CEP112: variants seen among roughly 807,000 people sequenced by gnomAD.
CEP112 encodes centrosomal protein 112, also known as centrosomal protein of 112 kDa.
In CEP112, 127 loss-of-function variants were observed where a neutral mutation model predicts 153.0. The ratio of observed to expected loss-of-function variants is 0.83; its 90% CI spans 0.72 to 0.96. The LOEUF is 0.96. CEP112 is among the 40% of genes least tolerant of loss of function. The pLI is 0.00. For missense variants in CEP112, 1,089 were observed against 1,101.2 expected (o/e 0.99, Z 0.16); for synonymous variants, 358 against 374.4 (o/e 0.96, Z 0.51).
At chr17:65,732,577 T>C (rs569500865) in intron 23 of CEP112, among the ~76,000 whole-genome samples, 7 of 152,278 alleles carry the variant, frequency 4.6e-5, no homozygotes, top group African/African-American at 1.4e-4. Context: ...CAGAAGGCTG[T>C]TTCATCTACA....
intron 21 of CEP112, among the ~76,000 whole-genome samples, chr17:65,776,460 C>T (rs1237326133): frequency 5.3e-5 from 8 of 152,136 alleles, no homozygotes; most frequent in African/African-American, 9.7e-5. Flanking sequence ...CTCCTGACCT[C>T]GTGATCTGCC....
At chr17:66,176,117 T>C (rs939100508) in intron 3 of CEP112, among the ~76,000 whole-genome samples, 2 of 152,244 alleles carry the variant, frequency 1.3e-5, no homozygotes, top group African/African-American at 4.8e-5. Flanking sequence ...AATTGTGCTT[T>C]AAGTAAACTA....
intron 21 of CEP112, among the ~76,000 whole-genome samples, chr17:65,829,536 C>T (rs2056993341): frequency 6.6e-6 from 1 of 152,140 alleles, no homozygotes; most frequent in Admixed American, 6.5e-5. Context: ...ATCCCAACAT[C>T]CCTGAGTCTC....
chr17:66,156,673 T>A (rs993291880), intron 4 of CEP112, among the ~76,000 whole-genome samples: 1 of 152,082 alleles, frequency 6.6e-6, no homozygotes, highest in African/African-American at 2.4e-5. Context: ...ATAACCAGTT[T>A]AGAGAAGAAC....
chr17:66,163,697 AAAAAT>A (rs1368589736), intron 4 of CEP112, among the ~76,000 whole-genome samples: 1 of 152,172 alleles, frequency 6.6e-6, no homozygotes, highest in Non-Finnish European at 1.5e-5. Flanking sequence ...TTTAAAACTT[AAAAAT>A]AAAAACAAAT....
intron 21 of CEP112, among the ~76,000 whole-genome samples, chr17:65,846,770 C>T (rs924537763): frequency 1.3e-5 from 2 of 152,040 alleles, no homozygotes; most frequent in Non-Finnish European, 2.9e-5. Flanking sequence ...GGGGTTTCAC[C>T]GTGTTAGCCA....
At position 66,022,816 on chromosome 17, in the gene CEP112, C is replaced by CA. The variant is rs1272810515; in HGVS notation, c.1656+4684dup. ...TCTGAAAACCAGCACAAAGACATCA[C>CA]AAAATCAATTCAGGATATAAATTTT... On this transcript the variant is annotated intron_variant, in intron 16 of 26. Transcript: ENST00000535342. Among the ~76,000 whole-genome samples, 64 of 150,422 alleles carry CA rather than the reference C, an allele frequency of 4.3e-4. 1 individual carries two copies. The highest frequency in any genetic ancestry group is 2.4e-4 in the Non-Finnish European group (16 of 67,548).
At chr17:66,164,080 T>C (rs909013818) in intron 4 of CEP112, among the ~76,000 whole-genome samples, 1 of 152,194 alleles carries the variant, frequency 6.6e-6, no homozygotes, top group Non-Finnish European at 1.5e-5. Flanking sequence ...AAGAGTGACA[T>C]TTAATTAGCA....
chr17:66,037,435 C>A (rs77454727), intron 12 of CEP112, among the ~76,000 whole-genome samples: 1 of 151,966 alleles, frequency 6.6e-6, no homozygotes, highest in Non-Finnish European at 1.5e-5. Flanking sequence ...AATGTCACTG[C>A]GGTATTATGA....
intron 19 of CEP112, among the ~76,000 whole-genome samples, chr17:65,910,170 A>T (rs1171290595): frequency 2.0e-5 from 3 of 152,184 alleles, no homozygotes; most frequent in Non-Finnish European, 4.4e-5. Context: ...CTCTGACAGA[A>T]GTTGTTCAGA....
At chr17:66,137,978 G>C (rs2070512879) in intron 4 of CEP112, among the ~76,000 whole-genome samples, 1 of 152,224 alleles carries the variant, frequency 6.6e-6, no homozygotes, top group Non-Finnish European at 1.5e-5. Context: ...ATGAAAAGAT[G>C]AAAGTCTTAA....
At position 66,182,293 on chromosome 17, in the gene CEP112, A is replaced by T. The variant is rs899698638; in HGVS notation, c.106+901T>A. ...TGTACCTAACTGATAAACTAAATTTAATCATCAGTGTGTATGTATAGGAAA... is the reference window on the plus strand; with the variant it reads ...TGTACCTAACTGATAAACTAAATTTTATCATCAGTGTGTATGTATAGGAAA... On this transcript the variant is annotated intron_variant, in intron 2 of 26. Transcript: ENST00000535342. 2.6e-5 allele frequency: 4 copies of T among 152,320 alleles called. No homozygotes were observed. In the East Asian group the frequency reaches 5.8e-4, roughly 22 times the overall value. The allele number at this position is 152,320 out of a possible 1,614,324, so 9.4% of individuals were successfully genotyped here.
intron 23 of CEP112, among the ~76,000 whole-genome samples, chr17:65,722,489 T>C (rs2049942162): frequency 6.6e-6 from 1 of 152,204 alleles, no homozygotes; most frequent in African/African-American, 2.4e-5. Context: ...CCTCAGGTGA[T>C]CTGCCTGCCT....
intron 21 of CEP112, among the ~76,000 whole-genome samples, chr17:65,765,707 T>C (rs962321339): frequency 4.6e-5 from 7 of 152,092 alleles, no homozygotes; most frequent in Non-Finnish European, 8.8e-5. Flanking sequence ...TAAACTCTTA[T>C]AGCCTATGGC....
chr17:66,190,776 C>G (rs1260508501), intron 1 of CEP112, among the ~76,000 whole-genome samples: 1 of 152,078 alleles, frequency 6.6e-6, no homozygotes, highest in African/African-American at 2.4e-5. Flanking sequence ...ACCCTACAGT[C>G]AGCAAACATA....
In CEP112 at chr17:65,972,510, G is replaced by A. The variant is rs867316601; in HGVS notation, c.1737-10912C>T. Among the ~76,000 whole-genome samples the A allele has an allele frequency of 9.2e-5, 14 of 152,042 alleles. 1 individual carries two copies. Among genetic ancestry groups the A allele is most frequent in the Admixed American group, 7.2e-4 (11 of 15,256 alleles). ...ACAGTAAAACACAAAATAAGTAGAA[G>A]AAAGGAAATAATAAAAATCAAAACA... On this transcript the variant is annotated intron_variant, in intron 17 of 26. Coordinates refer to ENST00000535342, the MANE Select transcript of CEP112 (RefSeq NM_001199165.4).
chr17:65,962,623 C>T (rs926223950), intron 17 of CEP112, among the ~76,000 whole-genome samples: 14 of 152,190 alleles, frequency 9.2e-5, no homozygotes, highest in African/African-American at 3.1e-4. Context: ...TGTCCCCACC[C>T]ACATCTAATC....
intron 23 of CEP112, among the ~76,000 whole-genome samples, chr17:65,694,541 T>A (rs118099735): frequency 6.6e-6 from 1 of 152,310 alleles, no homozygotes; most frequent in African/African-American, 2.4e-5. Flanking sequence ...GAGAAAGCAG[T>A]TGTATTTAGA....
At chr17:65,840,809 A>C (rs759843352) in intron 21 of CEP112, among the ~76,000 whole-genome samples, 19 of 152,122 alleles carry the variant, frequency 1.2e-4, no homozygotes, top group Non-Finnish European at 2.4e-4. Flanking sequence ...AACAGCAAAA[A>C]AACAAATAAT....
Sources: gnomAD v4.1 joint callset for allele counts (sites outside exome capture counted in the v4.1 genomes callset) on GRCh38, gnomAD v4.1.1 for gene constraint, MANE v1.5 for transcripts, NCBI Gene and HGNC (gene_info 2026-07-23, HGNC 2026-07-21) for gene names.